EYS: variants seen among roughly 807,000 people sequenced by gnomAD.
EYS encodes the protein EGF-like photoreceptor maintenance factor.
A neutral mutation model predicts 282.1 loss-of-function variants in EYS; 250 were observed. The ratio of observed to expected loss-of-function variants is 0.89; its 90% CI spans 0.80 to 0.98. The LOEUF (loss-of-function observed/expected upper bound fraction) is 0.98, where lower values mean the gene tolerates loss of function less well. EYS is among the 50% of genes least tolerant of loss of function. The probability of loss-of-function intolerance (pLI) is 0.00; values close to 1 mark genes in which losing one functional copy is unlikely to be tolerated. For synonymous variants in EYS, 1,355 were observed against 1,282.9 expected (o/e 1.06, Z -1.20); for missense variants, 4,016 against 3,709.0 (o/e 1.08, Z -2.15).
At chr6:64,996,441 G>A (rs1449108644) in intron 14 of EYS, among the ~76,000 whole-genome samples, 1 of 152,120 alleles carries the variant, frequency 6.6e-6, no homozygotes, top group Non-Finnish European at 1.5e-5. Flanking sequence ...CTAAGAGCAG[G>A]CGACGAAATC....
chr6:64,322,249 G>T (rs1770242194), intron 29 of EYS, among the ~76,000 whole-genome samples: 1 of 151,922 alleles, frequency 6.6e-6, no homozygotes, highest in Non-Finnish European at 1.5e-5. Flanking sequence ...TAAAAAATCT[G>T]TAAACCTAGA....
At chr6:65,329,958 C>G (rs1314741516) in intron 11 of EYS, 1 of 975,952 alleles carries the variant, frequency 1.0e-6, no homozygotes, top group East Asian at 1.1e-4. Context: ...ATATATTTAA[C>G]ATTACACAGA....
At chr6:65,438,198 A>G (rs10455582) in intron 5 of EYS, among the ~76,000 whole-genome samples, 17 of 151,958 alleles carry the variant, frequency 1.1e-4, no homozygotes, top group Admixed American at 1.0e-3. Flanking sequence ...ATCCTTTCTT[A>G]TGGCTGCATA....
At chr6:63,901,924 A>G (rs1773668626) in intron 35 of EYS, among the ~76,000 whole-genome samples, 1 of 152,026 alleles carries the variant, frequency 6.6e-6, no homozygotes, top group African/African-American at 2.4e-5. Flanking sequence ...ACAGAGTCTC[A>G]CTCTGTTGCC....
intron 2 of EYS, among the ~76,000 whole-genome samples, chr6:65,636,904 C>T (rs1177963433): frequency 6.6e-6 from 1 of 152,110 alleles, no homozygotes; most frequent in African/African-American, 2.4e-5. Context: ...CTCAACCTCC[C>T]AGCCTCAAGC....
intron 40 of EYS, among the ~76,000 whole-genome samples, chr6:63,763,621 G>C (rs1391744572): frequency 6.6e-6 from 1 of 151,402 alleles, no homozygotes; most frequent in Non-Finnish European, 1.5e-5. Flanking sequence ...CTTCTTCAAT[G>C]GGCGCTCATT....
At chr6:65,061,232 G>A (rs1040519220) in intron 12 of EYS, among the ~76,000 whole-genome samples, 2 of 151,874 alleles carry the variant, frequency 1.3e-5, no homozygotes, top group African/African-American at 2.4e-5. Context: ...TCAGTGAGCT[G>A]TAGTAAAATT....
chr6:65,109,670 A>C (rs975413235), intron 12 of EYS, among the ~76,000 whole-genome samples: 1 of 151,634 alleles, frequency 6.6e-6, no homozygotes, highest in African/African-American at 2.4e-5. Context: ...AAAAAAAAAA[A>C]ACACCTTTTT....
intron 35 of EYS, among the ~76,000 whole-genome samples, chr6:63,890,026 C>T (rs1773367632): frequency 6.6e-6 from 1 of 152,118 alleles, no homozygotes; most frequent in Non-Finnish European, 1.5e-5. Context: ...AAGGGCATTA[C>T]ATAATGGTAA....
At chr6:65,078,495 G>A (rs1333982094) in intron 12 of EYS, among the ~76,000 whole-genome samples, 1 of 152,010 alleles carries the variant, frequency 6.6e-6, no homozygotes, top group Non-Finnish European at 1.5e-5. Context: ...AAAGGTCAAA[G>A]GAGTGTGACC....
At chr6:65,631,699 AT>A (rs1311106649) in intron 2 of EYS, among the ~76,000 whole-genome samples, 1 of 152,094 alleles carries the variant, frequency 6.6e-6, no homozygotes, top group Non-Finnish European at 1.5e-5. Flanking sequence ...GGGAGAATAA[AT>A]TTTTTTAACA....
At chr6:65,564,394 G>A (rs544572452) in intron 2 of EYS, among the ~76,000 whole-genome samples, 6 of 152,136 alleles carry the variant, frequency 3.9e-5, no homozygotes, top group Admixed American at 2.0e-4. Flanking sequence ...CTACAGTAAC[G>A]AAAATAGCAT....
chr6:63,922,446 C>A (rs1426643293), intron 35 of EYS, among the ~76,000 whole-genome samples: 1 of 151,972 alleles, frequency 6.6e-6, no homozygotes, highest in Non-Finnish European at 1.5e-5. Context: ...GCCTGTAATC[C>A]CAACTACTTG....
At chr6:64,887,781 A>G (rs2150063979) in intron 18 of EYS, among the ~76,000 whole-genome samples, 1 of 152,230 alleles carries the variant, frequency 6.6e-6, no homozygotes, top group East Asian at 1.9e-4. Flanking sequence ...AAGTCTCAGG[A>G]ACAGGACAGG....
chr6:64,224,630 A>AT (rs1766202151), intron 31 of EYS, among the ~76,000 whole-genome samples: 1 of 152,006 alleles, frequency 6.6e-6, no homozygotes. Context: ...TCCATAAAAT[A>AT]TTTTTCTCGA....
At chr6:64,645,272 TG>T (rs1186641565) in intron 22 of EYS, among the ~76,000 whole-genome samples, 8 of 152,318 alleles carry the variant, frequency 5.3e-5, no homozygotes, top group Admixed American at 5.2e-4. Context: ...GTCTCGTGTT[TG>T]AATCAACAAA....
chr6:65,702,794 C>T (rs1277871404), intron 1 of EYS, among the ~76,000 whole-genome samples: 1 of 151,452 alleles, frequency 6.6e-6, no homozygotes, highest in Non-Finnish European at 1.5e-5. Context: ...TTTGTGTGTG[C>T]CTGTGTGTGC....
intron 30 of EYS, among the ~76,000 whole-genome samples, chr6:64,247,433 A>T (rs1355063953): frequency 6.6e-6 from 1 of 152,196 alleles, no homozygotes; most frequent in Non-Finnish European, 1.5e-5. Context: ...CTAGACCTAG[A>T]CATTACCAGC....
At chr6:63,959,209 G>C (rs1003885804) in intron 35 of EYS, among the ~76,000 whole-genome samples, 1 of 152,092 alleles carries the variant, frequency 6.6e-6, no homozygotes, top group Non-Finnish European at 1.5e-5. Context: ...CAAAGGATAT[G>C]AACAGACAAC....
Sources: gnomAD v4.1 joint callset for allele counts (sites outside exome capture counted in the v4.1 genomes callset) on GRCh38, gnomAD v4.1.1 for gene constraint, MANE v1.5 for transcripts, NCBI Gene and HGNC (gene_info 2026-07-23, HGNC 2026-07-21) for gene names.